The following HEATR4 variants were observed in gnomAD, a reference collection of about 807,000 sequenced individuals.
The protein encoded by HEATR4 is HEAT repeat containing 4.
Under a neutral mutation model 108.8 loss-of-function variants are expected in HEATR4, and 95 were observed. That is an observed-to-expected ratio of 0.87 (90% confidence interval 0.74 to 1.04). The LOEUF is 1.04. Ranked by LOEUF, HEATR4 falls within the 50% of genes least tolerant of loss-of-function variation. The pLI is 0.00. For synonymous variants in HEATR4, 443 were observed against 459.4 expected (o/e 0.96, Z 0.46); for missense variants, 1,152 against 1,253.8 (o/e 0.92, Z 1.23).
At chr14:73,621,545 C>T in the HEATR4 span, among the ~76,000 whole-genome samples, 10 of 152,108 alleles carry the variant, frequency 6.6e-5, no homozygotes. Flanking sequence ...GAGAGTCTTC[C>T]TTGAGCATAA....
At chr14:73,606,765 G>A in the HEATR4 span, among the ~76,000 whole-genome samples, 15 of 152,128 alleles carry the variant, frequency 9.9e-5, no homozygotes, top group Non-Finnish European at 1.6e-4. Context: ...CCCTGAGCCC[G>A]GAATTGAACC....
chr14:73,519,204 C>T, intron 4 of HEATR4, 41 bp from the exon 5 acceptor site: 1 of 1,566,728 alleles, frequency 6.4e-7, no homozygotes. Flanking sequence ...CTATAACCTC[C>T]CTATTTCCTT....
intron 1 of HEATR4, among the ~76,000 whole-genome samples, chr14:73,531,474 G>T (rs1297803383): frequency 9.9e-6 from 1 of 100,944 alleles, no homozygotes; most frequent in Non-Finnish European, 2.1e-5. Context: ...AGGCTGGAGT[G>T]CAGTGGTGTG....
At chr14:73,520,739 G>A (rs1360564765) in intron 4 of HEATR4, 113 bp downstream of exon 4, 3 of 956,562 alleles carry the variant, frequency 3.1e-6, no homozygotes, top group Non-Finnish European at 4.8e-6. Context: ...TGAAAACCTG[G>A]GTCATCCAGG....
chr14:73,497,632 C>CTTTTT (rs796930642), intron 14 of HEATR4, among the ~76,000 whole-genome samples: 1 of 146,366 alleles, frequency 6.8e-6, no homozygotes, highest in Non-Finnish European at 1.5e-5. Context: ...AAAACCCATC[C>CTTTTT]TTTTTTTTTT....
chr14:73,574,905 C>A, the HEATR4 span: 2 of 1,612,996 alleles, frequency 1.2e-6, no homozygotes, highest in Non-Finnish European at 1.7e-6. Context: ...GTCCCTTTCT[C>A]AGGTAAAAGG....
chr14:73,496,512 G>T, intron 15 of HEATR4, 89 bp downstream of exon 15: 1 of 766,032 alleles, frequency 1.3e-6, no homozygotes. Context: ...GTGGGAAAAA[G>T]GGTATGTACA....
At chr14:73,555,369 A>G (rs1228629887) in intron 1 of HEATR4, among the ~76,000 whole-genome samples, 1 of 112,486 alleles carries the variant, frequency 8.9e-6, no homozygotes, top group African/African-American at 2.9e-5. Context: ...AAAGTGCTGA[A>G]GCAAAAAAAC....
At chr14:73,569,519 G>C in the HEATR4 span, 2 of 1,608,742 alleles carry the variant, frequency 1.2e-6, no homozygotes, top group Admixed American at 1.7e-5. Context: ...CGGAGCAGCC[G>C]GTCACGCTGC....
chr14:73,573,338 A>G, the HEATR4 span: 10 of 1,611,394 alleles, frequency 6.2e-6, no homozygotes, highest in South Asian at 3.3e-5. Flanking sequence ...AAACCATCCA[A>G]CTGTTTCAGG....
chr14:73,524,304 A>ATATATATATATATAT (rs1315675578), intron 2 of HEATR4, among the ~76,000 whole-genome samples: 1 of 93,794 alleles, frequency 1.1e-5, no homozygotes, highest in African/African-American at 5.4e-5. Context: ...AAAAAAAAAA[A>ATATATATATATATAT]AAAAAAATAT....
the HEATR4 span, among the ~76,000 whole-genome samples, chr14:73,603,801 T>C: frequency 6.6e-6 from 1 of 152,114 alleles, no homozygotes; most frequent in Non-Finnish European, 1.5e-5. Flanking sequence ...TGGTGCAATC[T>C]TGGCTCACTG....
intron 14 of HEATR4, among the ~76,000 whole-genome samples, chr14:73,497,225 G>C (rs1051556955): frequency 1.1e-4 from 17 of 151,422 alleles, no homozygotes; most frequent in African/African-American, 3.9e-4. Context: ...ATTTTTAGTA[G>C]AGACAGGTTT....
intron 2 of HEATR4, among the ~76,000 whole-genome samples, chr14:73,526,582 A>G (rs1214977162): frequency 1.3e-5 from 2 of 152,074 alleles, no homozygotes; most frequent in African/African-American, 4.8e-5. Flanking sequence ...AGTCCAGAAG[A>G]CTTTGAGTAG....
At chr14:73,569,992 C>T in the HEATR4 span, 6 of 1,430,194 alleles carry the variant, frequency 4.2e-6, no homozygotes, top group Admixed American at 7.5e-5. Context: ...CGCCCCCGGG[C>T]TATATTGCCC....
chr14:73,619,107 G>A, the HEATR4 span: 4 of 1,248,616 alleles, frequency 3.2e-6, no homozygotes, highest in East Asian at 2.5e-5. Context: ...TCCAGCCTGG[G>A]TGACAGAGCG....
chr14:73,500,450 T>G (rs974863003), intron 12 of HEATR4, 100 bp downstream of exon 12: 1 of 1,280,862 alleles, frequency 7.8e-7, no homozygotes. Context: ...TCTCTCATTC[T>G]GTGTCCCCAC....
chr14:73,616,760 T>G, the HEATR4 span: 9,061 of 371,646 alleles, frequency 0.024, 168 homozygotes, highest in South Asian at 0.09. Flanking sequence ...ACGGATGAAC[T>G]GTACAGTGAT....
chr14:73,590,025 G>T, the HEATR4 span, among the ~76,000 whole-genome samples: 1 of 152,232 alleles, frequency 6.6e-6, no homozygotes, highest in East Asian at 1.9e-4. Context: ...ACAGCAGTGC[G>T]GGCCCAAAAA....
Sources: gnomAD v4.1 joint callset for allele counts (sites outside exome capture counted in the v4.1 genomes callset) on GRCh38, gnomAD v4.1.1 for gene constraint, MANE v1.5 for transcripts, NCBI Gene and HGNC (gene_info 2026-07-23, HGNC 2026-07-21) for gene names.